The following INO80D variants were observed in gnomAD, a reference collection of about 807,000 sequenced individuals.
INO80D encodes INO80 complex subunit D.
INO80D carries 21 observed loss-of-function variants against 87.6 expected under a neutral mutation model. The ratio of observed to expected loss-of-function variants is 0.24; its 90% CI spans 0.17 to 0.35. The LOEUF (loss-of-function observed/expected upper bound fraction) is 0.35. Ranked by LOEUF, INO80D falls within the 10% of genes least tolerant of loss-of-function variation. The pLI is 1.00. For synonymous variants in INO80D, 440 were observed against 491.0 expected (o/e 0.90, Z 1.37); for missense variants, 982 against 1,280.7 (o/e 0.77, Z 3.56).
intron 5 of INO80D, among the ~76,000 whole-genome samples, chr2:206,036,360 T>C (rs1036968749): frequency 6.6e-6 from 1 of 151,582 alleles, no homozygotes; most frequent in African/African-American, 2.4e-5. Flanking sequence ...AGTCAACGAG[T>C]GGATAAAGAA....
chr2:206,051,057 A>T (rs1425513258), intron 4 of INO80D, among the ~76,000 whole-genome samples: 2 of 152,178 alleles, frequency 1.3e-5, no homozygotes, highest in African/African-American at 4.8e-5. Flanking sequence ...TAATGAAATG[A>T]TAAAAGGACT....
chr2:206,005,195 G>A lies in INO80D; in HGVS notation c.2257C>T (p.Gln753Ter). ...NPPTPLAGQI[Q>*]GQFSAPANVG... ...TTGGCTGGGGCAGAGAACTGCCCCT[G>A]GATCTGCCCTGCCAGGGGTGTAGGT... is the stretch of plus-strand genomic sequence containing the variant. Residue 753 changes from glutamine (Q) to a stop codon, truncating the protein, a stop_gained, in exon 11 of 11, where the codon CAG becomes TAG. Transcript: ENST00000403263. LOFTEE classifies it high-confidence loss of function. 6.2e-7 allele frequency: 1 copy of A among 1,613,980 alleles called. No homozygotes were observed. Among genetic ancestry groups the A allele is most frequent in the Non-Finnish European group, 8.5e-7 (1 of 1,179,872 alleles).
In INO80D at chr2:205,995,141, T is replaced by C. The variant is rs1046146123; in HGVS notation, c.*9227A>G. On this transcript the variant is annotated 3_prime_UTR_variant, in exon 11 of 11. Transcript: ENST00000403263. Reference sequence around the variant, plus strand: ...TTAAGTTGATCTAGGAGATGGTGGCTGACATACACTAACGGAAATATTAGG... The same window carrying C: ...TTAAGTTGATCTAGGAGATGGTGGCCGACATACACTAACGGAAATATTAGG... 52 of 152,292 alleles carry C rather than the reference T, an allele frequency of 3.4e-4. No homozygotes were observed. Among genetic ancestry groups the C allele is most frequent in the Middle Eastern group, 3.4e-3 (1 of 292 alleles). The allele number at this position is 152,292 out of a possible 1,614,324, so 9.4% of individuals were successfully genotyped here. A position where few individuals can be genotyped will look rare whatever the true frequency, so the allele number is the denominator to read the frequency against.
At chr2:206,082,487 T>G (rs1690311615) in intron 1 of INO80D, among the ~76,000 whole-genome samples, 1 of 152,208 alleles carries the variant, frequency 6.6e-6, no homozygotes, top group South Asian at 2.1e-4. Flanking sequence ...GCCTTTACAG[T>G]CAGGACTTCT....
chr2:206,025,562 TATATATAA>T (rs1336450803), intron 6 of INO80D: 46 of 126,830 alleles, frequency 3.6e-4, no homozygotes, highest in Admixed American at 1.0e-3. Flanking sequence ...TATATATATA[TATATATAA>T]AATAACTAAA....
chr2:206,077,928 T>C (rs1265873028), intron 1 of INO80D, among the ~76,000 whole-genome samples: 1 of 151,976 alleles, frequency 6.6e-6, no homozygotes, highest in Non-Finnish European at 1.5e-5. Context: ...CATGCCAATA[T>C]ACTCCAAGGT....
intron 5 of INO80D, among the ~76,000 whole-genome samples, chr2:206,034,953 C>G (rs937701500): frequency 1.3e-5 from 2 of 151,746 alleles, no homozygotes; most frequent in Non-Finnish European, 2.9e-5. Context: ...CAACAGCAAC[C>G]AAAATCAAGA....
Position 206,004,629 on chromosome 2 carries a change from G to A in INO80D, c.2823C>T (p.Ser941=), listed in dbSNP as rs1687973904. ...GTGGTAACCCCGGAAGCACACTGGAGCTGCTGGGGGTCACGGTGGCGAAGG... is the reference window on the plus strand; with the variant it reads ...GTGGTAACCCCGGAAGCACACTGGAACTGCTGGGGGTCACGGTGGCGAAGG... ...QPAFATVTPS[S]SSVLPGLPQT... The change falls in exon 11 of 11, where the codon AGC becomes AGT. Residue 941 remains serine, a synonymous_variant. Coordinates refer to ENST00000403263, the MANE Select transcript of INO80D (RefSeq NM_017759.5). This position sits in a 1 kb window ranked among gnomAD's most constrained non-coding sequence, Gnocchi z 4.9. The A allele has an allele frequency of 1.4e-5, 23 of 1,613,304 alleles. No homozygotes were observed. The highest frequency in any genetic ancestry group is 1.9e-5 in the Non-Finnish European group (22 of 1,179,648).
At chr2:206,076,865 T>C (rs1370775523) in intron 1 of INO80D, among the ~76,000 whole-genome samples, 1 of 152,250 alleles carries the variant, frequency 6.6e-6, no homozygotes, top group Non-Finnish European at 1.5e-5. Flanking sequence ...GGCTTCAGTC[T>C]TCTCATCTGT....
intron 5 of INO80D, among the ~76,000 whole-genome samples, chr2:206,039,564 C>T (rs1688982040): frequency 6.6e-6 from 1 of 151,838 alleles, no homozygotes; most frequent in African/African-American, 2.4e-5. Flanking sequence ...ATAATCGCAG[C>T]ACTTTGGGAG....
intron 8 of INO80D, among the ~76,000 whole-genome samples, chr2:206,011,078 C>CA (rs5838007): frequency 0.12 from 11,063 of 95,450 alleles, 595 homozygotes; most frequent in Middle Eastern, 0.17. Context: ...AACTCAGTCT[C>CA]AAAAAAAAAA....
chr2:206,042,481 A>C (rs2105858044), intron 5 of INO80D, among the ~76,000 whole-genome samples: 1 of 152,162 alleles, frequency 6.6e-6, no homozygotes, highest in South Asian at 2.1e-4. Context: ...CAGGAGTTTG[A>C]GACCAGCCTG....
intron 5 of INO80D, among the ~76,000 whole-genome samples, chr2:206,042,955 G>A (rs1689093584): frequency 6.6e-6 from 1 of 152,162 alleles, no homozygotes; most frequent in South Asian, 2.1e-4. Flanking sequence ...CTGGGTGATA[G>A]GGTAAGACCC....
chr2:206,050,190 G>A (rs1228022041), intron 4 of INO80D, among the ~76,000 whole-genome samples: 1 of 150,012 alleles, frequency 6.7e-6, no homozygotes, highest in African/African-American at 2.5e-5. Flanking sequence ...TTTTCATTCT[G>A]TTTAAAAATG....
intron 4 of INO80D, 122 bp downstream of exon 4, chr2:206,056,076 A>G: frequency 1.1e-6 from 1 of 928,798 alleles, no homozygotes; most frequent in Admixed American, 2.7e-5. Flanking sequence ...TCACTGCACC[A>G]CTCTGCCTCA....
At chr2:206,031,958 G>A (rs776751964) in intron 5 of INO80D, among the ~76,000 whole-genome samples, 19 of 152,166 alleles carry the variant, frequency 1.2e-4, no homozygotes, top group Non-Finnish European at 2.2e-4. Context: ...AGAAGTTTCC[G>A]ACCTTACCTG....
chr2:206,073,451 T>G (rs1232256858), intron 1 of INO80D, among the ~76,000 whole-genome samples: 1 of 152,202 alleles, frequency 6.6e-6, no homozygotes, highest in Non-Finnish European at 1.5e-5. Context: ...CCACATAATC[T>G]TAATCAAATG....
chr2:206,033,301 G>A (rs1688815747), intron 5 of INO80D, among the ~76,000 whole-genome samples: 1 of 152,076 alleles, frequency 6.6e-6, no homozygotes, highest in African/African-American at 2.4e-5. Flanking sequence ...ATTCAACAGT[G>A]CATGGAACTT....
chr2:205,996,638 ATATACATACGTG>A lies in INO80D; in HGVS notation c.*7718_*7729del, dbSNP rs1687814405. 1 of 152,128 alleles carries A rather than the reference ATATACATACGTG, an allele frequency of 6.6e-6. No homozygotes were observed. The highest frequency in any genetic ancestry group is 2.1e-4 in the South Asian group (1 of 4,830). The allele number at this position is 152,128 out of a possible 1,614,324, so 9.4% of individuals were successfully genotyped here. ...TATATAGCTTTATCTATACACACAC[ATATACATACGTG>A]TATATATAGATTTATACAAATGTAT... On this transcript the variant is annotated 3_prime_UTR_variant, in exon 11 of 11. Transcript: ENST00000403263.
Sources: gnomAD v4.1 joint callset for allele counts (sites outside exome capture counted in the v4.1 genomes callset) on GRCh38, gnomAD v4.1.1 for gene constraint, Gnocchi (gnomAD v3.1) non-coding constraint, MANE v1.5 for transcripts, NCBI Gene and HGNC (gene_info 2026-07-23, HGNC 2026-07-21) for gene names.